The following DCDC1 variants were observed in gnomAD, a reference collection of about 807,000 sequenced individuals.
DCDC1 encodes doublecortin domain-containing protein 1.
Under a neutral mutation model 178.3 loss-of-function variants are expected in DCDC1, and 200 were observed. The observed-to-expected ratio is 1.12, with a 90% CI of 1.00 to 1.26. The LOEUF is 1.26. Ranked by LOEUF, DCDC1 falls within the 50% of genes most tolerant of loss-of-function variation. DCDC1 has a pLI of 0.00. For missense variants in DCDC1, 1,983 were observed against 1,749.2 expected (o/e 1.13, Z -2.38); for synonymous variants, 690 against 604.8 (o/e 1.14, Z -2.07).
At position 30,908,415 on chromosome 11, in the gene DCDC1, C is replaced by T. The variant is rs137897068; in HGVS notation, c.3918+531G>A. Reference sequence around the variant, plus strand: ...CATAGAGACCTTATTTGAATCTTGACACAAACCAACAAACCATAAAAAAAA... The same window carrying T: ...CATAGAGACCTTATTTGAATCTTGATACAAACCAACAAACCATAAAAAAAA... On this transcript the variant is annotated intron_variant, in intron 29 of 38. Transcript: ENST00000684477. 5.2e-3 allele frequency among the ~76,000 whole-genome samples: 795 copies of T among 151,970 alleles called. 6 individuals are homozygous for T. Among genetic ancestry groups the T allele is most frequent in the Non-Finnish European group, 7.6e-3 (516 of 67,966 alleles).
At chr11:31,183,227 C>G (rs981284629) in intron 9 of DCDC1, among the ~76,000 whole-genome samples, 2 of 152,174 alleles carry the variant, frequency 1.3e-5, no homozygotes, top group Non-Finnish European at 2.9e-5. Flanking sequence ...GACTTGAACT[C>G]AGCTCTGGAC....
chr11:30,927,572 C>T (rs563705890), intron 22 of DCDC1, among the ~76,000 whole-genome samples: 3 of 152,212 alleles, frequency 2.0e-5, no homozygotes, highest in South Asian at 2.1e-4. Context: ...AGTGGCAATG[C>T]TGGGGTTAAA....
intron 9 of DCDC1, among the ~76,000 whole-genome samples, chr11:31,200,166 C>A (rs1971121443): frequency 6.6e-6 from 1 of 151,780 alleles, no homozygotes; most frequent in African/African-American, 2.4e-5. Context: ...AACTACTGAT[C>A]AAAAGGGGAA....
At chr11:30,991,867 G>T (rs1951006665) in intron 20 of DCDC1, among the ~76,000 whole-genome samples, 2 of 152,076 alleles carry the variant, frequency 1.3e-5, no homozygotes. Context: ...TAATATTTTT[G>T]GGAAAAGAAT....
rs556173967 is a variant in DCDC1, at chr11:31,019,398, A to G, written c.2591+45071T>C. The stretch of plus-strand genomic sequence containing the variant: ...GAGAAACTTAGAGAATTAAGAAGAT[A>G]AAATATATTATATGTTTGTAGAGTG... On this transcript the variant is annotated intron_variant, in intron 20 of 38. Transcript: ENST00000684477. 1.4e-4 allele frequency among the ~76,000 whole-genome samples: 21 copies of G among 152,292 alleles called. No homozygotes were observed. The East Asian group carries it at 2.7e-3, about 20-fold the overall frequency.
At chr11:31,280,195 T>C (rs1946322054) in intron 7 of DCDC1, among the ~76,000 whole-genome samples, 1 of 152,156 alleles carries the variant, frequency 6.6e-6, no homozygotes, top group Non-Finnish European at 1.5e-5. Context: ...AAATATAAAG[T>C]AGACGTTGCT....
At chr11:30,971,551 C>T (rs575130645) in intron 20 of DCDC1, among the ~76,000 whole-genome samples, 3 of 144,912 alleles carry the variant, frequency 2.1e-5, no homozygotes, top group Non-Finnish European at 4.5e-5. Flanking sequence ...AGAGCTTCAA[C>T]AAGAGTATGT....
intron 25 of DCDC1, among the ~76,000 whole-genome samples, chr11:30,919,653 C>T (rs1946105502): frequency 6.6e-6 from 1 of 152,126 alleles, no homozygotes; most frequent in African/African-American, 2.4e-5. Context: ...CCTTCTGGTG[C>T]CTTTGTTAGT....
chr11:31,323,037 A>G (rs2137798895), intron 3 of DCDC1, among the ~76,000 whole-genome samples: 1 of 152,222 alleles, frequency 6.6e-6, no homozygotes. Flanking sequence ...ATTATCTGCT[A>G]TTTTCTAAAA....
rs773532191 is a variant in DCDC1 at position 30,925,380 on chromosome 11, C to T, written c.2926G>A (p.Ala976Thr). Reference protein sequence around the residue: ...QCTEILNLPSAARRLYNEKGK... With the variant: ...QCTEILNLPSTARRLYNEKGK... ...TTTTCATTGTACAATCTCCGAGCTGCAGAAGGTAAATTTAAAATCTCAGTG... is the reference window on the plus strand; with the variant it reads ...TTTTCATTGTACAATCTCCGAGCTGTAGAAGGTAAATTTAAAATCTCAGTG... The change falls in exon 23 of 39, where the codon GCA becomes ACA. Residue 976 changes from alanine to threonine, a missense_variant. Physicochemically the swap from Ala to Thr is moderately conservative, Grantham distance 58. Transcript: ENST00000684477. The T allele has an allele frequency of 1.3e-5, 21 of 1,613,516 alleles. No individual in the cohort carries two copies. Among genetic ancestry groups the T allele is most frequent in the Non-Finnish European group, 1.8e-5 (21 of 1,179,748 alleles).
Position 31,136,392 on chromosome 11 carries a change from C to A in DCDC1, c.1314+1300G>T, listed in dbSNP as rs1275671336. Among the ~76,000 whole-genome samples, 3 of 152,128 alleles carry A rather than the reference C, an allele frequency of 2.0e-5. No individual in the cohort carries two copies. The East Asian group carries it at 5.8e-4, about 29-fold the overall frequency. ...AATATTATCTACTGAGATGGCTAATCAATTTTTACAATATAGTCTTTAATA... is the reference window on the plus strand; with the variant it reads ...AATATTATCTACTGAGATGGCTAATAAATTTTTACAATATAGTCTTTAATA... On this transcript the variant is annotated intron_variant, in intron 10 of 38. Transcript: ENST00000684477.
chr11:30,917,114 T>G (rs1945901419), intron 25 of DCDC1, 86 bp from the exon 26 acceptor site: 2 of 1,309,338 alleles, frequency 1.5e-6, no homozygotes, highest in South Asian at 2.1e-5. Flanking sequence ...CTGATCATAT[T>G]CCACAGGATG....
Position 30,909,816 on chromosome 11 carries a change from T to C in DCDC1, c.3748-700A>G, listed in dbSNP as rs1945320585. The stretch of plus-strand genomic sequence containing the variant: ...TCAGTTAGACATGTAATAGAAACAA[T>C]ATATTTATTCTAATTGTGAAAGTTG... On this transcript the variant is annotated intron_variant, in intron 28 of 38. Coordinates refer to ENST00000684477, the MANE Select transcript of DCDC1 (RefSeq NM_001387274.1). 2.6e-5 allele frequency among the ~76,000 whole-genome samples: 4 copies of C among 152,302 alleles called. No homozygotes were observed. In the Middle Eastern group the frequency reaches 0.01, roughly 389 times the overall value.
chr11:31,010,913 C>T (rs962468103), intron 20 of DCDC1, among the ~76,000 whole-genome samples: 8 of 151,560 alleles, frequency 5.3e-5, no homozygotes, highest in Non-Finnish European at 7.4e-5. Flanking sequence ...TCATGAATAC[C>T]GTATAGATAT....
intron 3 of DCDC1, among the ~76,000 whole-genome samples, chr11:31,327,643 C>A (rs1228052147): frequency 6.6e-6 from 1 of 152,014 alleles, no homozygotes; most frequent in Non-Finnish European, 1.5e-5. Flanking sequence ...TTTCTTCCCA[C>A]AAAGTAGAAA....
chr11:31,343,457 C>T (rs898072514), intron 1 of DCDC1, among the ~76,000 whole-genome samples: 1 of 152,082 alleles, frequency 6.6e-6, no homozygotes, highest in Admixed American at 6.6e-5. Flanking sequence ...CAGGTGTGCG[C>T]CACCATGCCT....
intron 18 of DCDC1, among the ~76,000 whole-genome samples, chr11:31,076,480 C>G (rs904779575): frequency 1.3e-5 from 2 of 152,110 alleles, no homozygotes; most frequent in African/African-American, 4.8e-5. Flanking sequence ...TTCTGAGTAG[C>G]TGGGATCACA....
At chr11:31,048,218 AT>A (rs145261478) in intron 20 of DCDC1, among the ~76,000 whole-genome samples, 276 of 152,326 alleles carry the variant, frequency 1.8e-3, no homozygotes, top group Admixed American at 3.8e-3. Flanking sequence ...TAAGTGCTCA[AT>A]GAGCATTTAT....
intron 11 of DCDC1, among the ~76,000 whole-genome samples, chr11:31,115,983 G>T (rs201925318): frequency 1.4e-5 from 1 of 69,530 alleles, no homozygotes; most frequent in Non-Finnish European, 2.4e-5. Context: ...TGTGGCAGTG[G>T]GGGGGGGGGG....
Sources: gnomAD v4.1 joint callset for allele counts (sites outside exome capture counted in the v4.1 genomes callset) on GRCh38, gnomAD v4.1.1 for gene constraint, MANE v1.5 for transcripts, NCBI Gene and HGNC (gene_info 2026-07-23, HGNC 2026-07-21) for gene names.